The following BIRC6 variants were observed in gnomAD, a reference collection of about 807,000 sequenced individuals.
BIRC6 encodes the protein dual E2 ubiquitin-conjugating enzyme/E3 ubiquitin-protein ligase BIRC6.
A neutral mutation model predicts 503.3 loss-of-function variants in BIRC6; 98 were observed. The observed-to-expected ratio is 0.19, with a 90% CI of 0.17 to 0.23. The LOEUF is 0.23. Ranked by LOEUF, BIRC6 falls within the 10% of genes least tolerant of loss-of-function variation. The pLI, the probability that BIRC6 is intolerant of heterozygous loss-of-function variation, is 1.00. For missense variants in BIRC6, 5,360 were observed against 5,806.0 expected (o/e 0.92, Z 2.50); for synonymous variants, 2,240 against 2,078.7 (o/e 1.08, Z -2.11).
chr2:32,421,829 T>A (rs1027714057), intron 10 of BIRC6, among the ~76,000 whole-genome samples: 6 of 152,234 alleles, frequency 3.9e-5, no homozygotes, highest in Non-Finnish European at 1.5e-5. Context: ...TAGAGTGTCG[T>A]ATAAATTTCA....
In BIRC6 at chr2:32,578,989, T is replaced by TATATATATATATATATATATATATAC. The variant is rs1480624603; in HGVS notation, c.13355+3624_13355+3625insTATATATATATATATATATATATACA. Among the ~76,000 whole-genome samples, 126 of 89,642 alleles carry TATATATATATATATATATATATATAC rather than the reference T, an allele frequency of 1.4e-3. 6 individuals are homozygous for TATATATATATATATATATATATATAC. The highest frequency in any genetic ancestry group is 0.012 in the Middle Eastern group (2 of 162). 58.8% of individuals were successfully genotyped at this position (89,642 alleles called of 152,430 possible). On this transcript the variant is annotated intron_variant, in intron 66 of 73. Coordinates refer to ENST00000421745, the MANE Select transcript of BIRC6 (RefSeq NM_016252.4). ...TATTTTTATATACCTAATATATATA[T>TATATATATATATATATATATATATAC]ACACTTAATATATATATATACCTAA...
chr2:32,469,625 A>G lies in BIRC6; in HGVS notation c.6347+11A>G. On this transcript the variant is annotated intron_variant, in intron 30 of 73. Transcript: ENST00000421745. ...CTTTCCACAGGATAGGTAGGTCAGA[A>G]AATGTTGGAGGTATTTGTTATTAAT... The G allele has an allele frequency of 6.3e-7, 1 of 1,590,122 alleles. No individual in the cohort carries two copies. Among genetic ancestry groups the G allele is most frequent in the Non-Finnish European group, 8.6e-7 (1 of 1,163,866 alleles).
intron 51 of BIRC6, among the ~76,000 whole-genome samples, chr2:32,509,466 G>A (rs1418701258): frequency 1.3e-5 from 2 of 152,112 alleles, no homozygotes; most frequent in Non-Finnish European, 2.9e-5. Flanking sequence ...AGTTGGCCAG[G>A]ATGGTCTCGA....
intron 33 of BIRC6, among the ~76,000 whole-genome samples, chr2:32,473,706 C>CATGTGTGT (rs1491452408): frequency 9.6e-5 from 7 of 72,668 alleles, no homozygotes; most frequent in African/African-American, 3.9e-4. Flanking sequence ...TCTCCTTTTT[C>CATGTGTGT]GTGTGTGTGT....
At chr2:32,553,994 C>G (rs998070450) in intron 65 of BIRC6, among the ~76,000 whole-genome samples, 1 of 152,074 alleles carries the variant, frequency 6.6e-6, no homozygotes, top group Non-Finnish European at 1.5e-5. Context: ...AGGCCACAAT[C>G]ATTTTTTCTC....
rs149910809 is a variant in BIRC6 at position 32,612,687 on chromosome 2, G to A, written c.14394+1105G>A. On this transcript the variant is annotated intron_variant, in intron 73 of 73. Transcript: ENST00000421745. ...CAAAATAAAATGACAAGGGGAAAGT[G>A]TGGGAATATAGATGAAAGAAGATGG... 6.4e-4 allele frequency among the ~76,000 whole-genome samples: 97 copies of A among 152,332 alleles called. No homozygotes were observed. In the East Asian group the frequency reaches 0.012, roughly 19 times the overall value.
Position 32,607,622 on chromosome 2 carries a change from C to A in BIRC6, c.14238C>A (p.Asn4746Lys). ...GGGCAATGCTAGAACAAATCAGAAACCCTTCACCATGTTTTAAAGAGGTAT... is the reference window on the plus strand; with the variant it reads ...GGGCAATGCTAGAACAAATCAGAAAACCTTCACCATGTTTTAAAGAGGTAT... ...VKWAMLEQIR[N>K]PSPCFKEVIH... Residue 4746 changes from asparagine (N) to lysine (K), a missense_variant, in exon 72 of 74, where the codon AAC (asparagine) becomes AAA (lysine). Asn to Lys is a moderately conservative substitution (Grantham distance 94). Around this residue, in one of 16 missense-constraint regions of BIRC6, gnomAD observed 40 missense variants for 53.4 expected, o/e 0.75. Transcript: ENST00000421745. The A allele has an allele frequency of 6.2e-7, 1 of 1,607,788 alleles. No homozygotes were observed. The highest frequency in any genetic ancestry group is 8.5e-7 in the Non-Finnish European group (1 of 1,176,944).
In BIRC6 at chr2:32,357,144, C is replaced by T. The variant is rs1380306438; in HGVS notation, c.-18C>T. On this transcript the variant is annotated 5_prime_UTR_variant, in exon 1 of 74. Coordinates refer to ENST00000421745, the MANE Select transcript of BIRC6 (RefSeq NM_016252.4). The surrounding 1 kb of genome is among the most constrained non-coding windows in gnomAD (Gnocchi z 4.9). ...CTTCACTTCCGGCTAACGCGCTCGGCTTGCCCCCTGGCCCCGGATGGTGAC... is the reference window on the plus strand; with the variant it reads ...CTTCACTTCCGGCTAACGCGCTCGGTTTGCCCCCTGGCCCCGGATGGTGAC... 1 of 1,480,242 alleles carries T rather than the reference C, an allele frequency of 6.8e-7. No individual in the cohort carries two copies. The highest frequency in any genetic ancestry group is 1.3e-5 in the South Asian group (1 of 74,326). The allele number at this position is 1,480,242 out of a possible 1,614,324, so 91.7% of individuals were successfully genotyped here.
chr2:32,375,603 TTGATA>T (rs2036634680), intron 1 of BIRC6, among the ~76,000 whole-genome samples: 1 of 152,184 alleles, frequency 6.6e-6, no homozygotes, highest in African/African-American at 2.4e-5. Flanking sequence ...GCCAAATTGC[TTGATA>T]CGTACCATAG....
At chr2:32,392,247 G>T (rs1298180957) in intron 5 of BIRC6, 97 bp downstream of exon 5, 3 of 843,076 alleles carry the variant, frequency 3.6e-6, no homozygotes, top group Non-Finnish European at 5.6e-6. Context: ...AACTTATTTT[G>T]TGCACCTTGT....
chr2:32,454,364 A>C (rs1242682664), intron 23 of BIRC6, among the ~76,000 whole-genome samples: 1 of 152,164 alleles, frequency 6.6e-6, no homozygotes, highest in Non-Finnish European at 1.5e-5. Flanking sequence ...GTGAGGAACT[A>C]TTTGGGTTTG....
intron 33 of BIRC6, among the ~76,000 whole-genome samples, chr2:32,475,490 T>C (rs1166250973): frequency 2.0e-5 from 3 of 152,116 alleles, no homozygotes; most frequent in Non-Finnish European, 2.9e-5. Context: ...GAGGGAACCT[T>C]GTGGTGGCAT....
At chr2:32,361,475 C>T (rs768037888) in intron 1 of BIRC6, among the ~76,000 whole-genome samples, 1 of 152,130 alleles carries the variant, frequency 6.6e-6, no homozygotes, top group African/African-American at 2.4e-5. Context: ...CATCAGTATT[C>T]TGCACCAGAG....
At chr2:32,379,942 C>T (rs924116903) in intron 2 of BIRC6, among the ~76,000 whole-genome samples, 1 of 152,022 alleles carries the variant, frequency 6.6e-6, no homozygotes, top group Non-Finnish European at 1.5e-5. Flanking sequence ...TGTAGTATTT[C>T]TACACTGAAT....
intron 23 of BIRC6, 91 bp downstream of exon 23, chr2:32,454,033 T>C: frequency 9.3e-7 from 1 of 1,078,232 alleles, no homozygotes. Flanking sequence ...TCTAATTATG[T>C]AATTTTCATT....
At chr2:32,446,758 T>C (rs988595730) in intron 21 of BIRC6, among the ~76,000 whole-genome samples, 6 of 138,396 alleles carry the variant, frequency 4.3e-5, no homozygotes, top group African/African-American at 1.6e-4. Context: ...TTTTTTTTTT[T>C]TTTTTTTTTT....
At chr2:32,424,999 A>C (rs1367755776) in intron 10 of BIRC6, among the ~76,000 whole-genome samples, 1 of 152,004 alleles carries the variant, frequency 6.6e-6, no homozygotes, top group Non-Finnish European at 1.5e-5. Flanking sequence ...CACTTTCCTA[A>C]TGATTAGTGA....
rs930548381 is a variant in BIRC6 at position 32,402,984 on chromosome 2, A to G, written c.1418+1361A>G. ...GTATTATTAGTGGAAATACTTCTCA[A>G]CATTATATGGGGTAATGTGCTTGAG... On this transcript the variant is annotated intron_variant, in intron 8 of 73. Transcript: ENST00000421745. 5.3e-5 allele frequency among the ~76,000 whole-genome samples: 8 copies of G among 152,336 alleles called. No homozygotes were observed. In the South Asian group the frequency reaches 8.3e-4, roughly 16 times the overall value.
At chr2:32,383,011 C>T (rs967499970) in intron 3 of BIRC6, among the ~76,000 whole-genome samples, 9 of 151,194 alleles carry the variant, frequency 6.0e-5, no homozygotes, top group Admixed American at 1.3e-4. Flanking sequence ...TGTGAGCCAC[C>T]GCACGTGGCC....
Sources: gnomAD v4.1 joint callset for allele counts (sites outside exome capture counted in the v4.1 genomes callset) on GRCh38, gnomAD v4.1.1 for gene constraint, gnomAD v4.1.1 regional missense constraint, Gnocchi (gnomAD v3.1) non-coding constraint, MANE v1.5 for transcripts, NCBI Gene and HGNC (gene_info 2026-07-23, HGNC 2026-07-21) for gene names.